MLIP: variants seen among roughly 807,000 people sequenced by gnomAD.
MLIP encodes the protein muscular LMNA-interacting protein.
In MLIP, 79 loss-of-function variants were observed where a neutral mutation model predicts 84.8. The observed-to-expected ratio is 0.93, with a 90% CI of 0.78 to 1.12. MLIP has a LOEUF of 1.12. Among genes scored for constraint, MLIP ranks in the 50% most tolerant of loss-of-function variants. The pLI, the probability that MLIP is intolerant of heterozygous loss-of-function variation, is 0.00. For synonymous variants in MLIP, 504 were observed against 463.0 expected, an observed-to-expected ratio of 1.09 and a Z score of -1.14; for missense variants, 1,257 against 1,160.6, an observed-to-expected ratio of 1.08 and a Z score of -1.21.
intron 1 of MLIP, among the ~76,000 whole-genome samples, chr6:54,096,494 G>C (rs1457121556): frequency 6.6e-6 from 1 of 152,042 alleles, no homozygotes; most frequent in East Asian, 1.9e-4. Flanking sequence ...TCTGCAGAGA[G>C]GCTCTCCACT....
intron 9 of MLIP, among the ~76,000 whole-genome samples, chr6:54,180,388 T>A (rs1776732079): frequency 6.6e-6 from 1 of 152,200 alleles, no homozygotes; most frequent in Admixed American, 6.5e-5. Context: ...TTTCTGTTAT[T>A]GTACCTTTGA....
At chr6:54,138,786 A>G (rs1315132678) in intron 4 of MLIP, among the ~76,000 whole-genome samples, 1 of 152,168 alleles carries the variant, frequency 6.6e-6, no homozygotes, top group Non-Finnish European at 1.5e-5. Context: ...GCAGAAAGCA[A>G]CTCTACACTA....
chr6:54,221,081 G>A (rs992536076), intron 11 of MLIP, among the ~76,000 whole-genome samples: 3 of 152,048 alleles, frequency 2.0e-5, no homozygotes, highest in African/African-American at 4.8e-5. Flanking sequence ...AGAAATGCTC[G>A]TTTTTGAGAA....
chr6:54,063,538 C>T (rs1417408793), intron 1 of MLIP, among the ~76,000 whole-genome samples: 2 of 152,060 alleles, frequency 1.3e-5, no homozygotes, highest in African/African-American at 2.4e-5. Context: ...TCTTGCTTAT[C>T]CTTTAGGTGT....
intron 12 of MLIP, 110 bp from the exon 13 acceptor site, chr6:54,257,198 A>G: frequency 1.3e-6 from 1 of 741,482 alleles, no homozygotes; most frequent in South Asian, 1.7e-5. Flanking sequence ...ATCCACTGTT[A>G]TCTGCAATAA....
chr6:54,262,244 G>C (rs1460028877), intron 13 of MLIP, among the ~76,000 whole-genome samples: 1 of 152,012 alleles, frequency 6.6e-6, no homozygotes, highest in East Asian at 1.9e-4. Flanking sequence ...TAGGGTAGTA[G>C]AGAAAGAAAA....
intron 10 of MLIP, among the ~76,000 whole-genome samples, chr6:54,194,270 A>G (rs1778143661): frequency 6.6e-6 from 1 of 152,138 alleles, no homozygotes; most frequent in Non-Finnish European, 1.5e-5. Flanking sequence ...CAGCCCTGAA[A>G]GCTTTTATGT....
intron 1 of MLIP, among the ~76,000 whole-genome samples, chr6:54,113,686 G>A (rs1455816529): frequency 6.6e-6 from 1 of 151,934 alleles, no homozygotes; most frequent in African/African-American, 2.4e-5. Context: ...GCCAAAGCCT[G>A]GAATTTAGAA....
rs548996771 is a variant in MLIP at position 54,180,153 on chromosome 6, G to A, written c.2545-9717G>A. 2.0e-5 allele frequency among the ~76,000 whole-genome samples: 3 copies of A among 152,114 alleles called. No homozygotes were observed. In the East Asian group the frequency reaches 5.8e-4, roughly 29 times the overall value. Reference sequence around the variant, plus strand: ...AAATATGCCATGTGACTATCTCCTGGCCTGTAATGTTTCCACTGAAAAGTC... The same window carrying A: ...AAATATGCCATGTGACTATCTCCTGACCTGTAATGTTTCCACTGAAAAGTC... On this transcript the variant is annotated intron_variant, in intron 9 of 13. Coordinates refer to ENST00000502396, the MANE Select transcript of MLIP (RefSeq NM_001281747.2).
intron 9 of MLIP, among the ~76,000 whole-genome samples, chr6:54,174,625 T>A (rs1011294975): frequency 6.6e-6 from 1 of 152,046 alleles, no homozygotes; most frequent in African/African-American, 2.4e-5. Context: ...CTGTTTGAGC[T>A]CCTTATATAT....
intron 12 of MLIP, among the ~76,000 whole-genome samples, chr6:54,251,750 A>ATATAATATATAATATAAATATATAT (rs1782539302): frequency 4.0e-5 from 4 of 100,346 alleles, no homozygotes; most frequent in Non-Finnish European, 7.0e-5. Context: ...ATATAATAGC[A>ATATAATATATAATATAAATATATAT]TATAATATAT....
intron 4 of MLIP, among the ~76,000 whole-genome samples, chr6:54,144,761 C>G (rs971454719): frequency 6.6e-6 from 1 of 152,162 alleles, no homozygotes; most frequent in African/African-American, 2.4e-5. Flanking sequence ...TGAGTCCAAA[C>G]CCCTGATCCT....
intron 1 of MLIP, among the ~76,000 whole-genome samples, chr6:54,050,705 GC>G (rs1253582834): frequency 6.6e-6 from 1 of 151,906 alleles, no homozygotes; most frequent in Non-Finnish European, 1.5e-5. Context: ...ATGTTGTTTT[GC>G]CCCAGCTGGT....
intron 2 of MLIP, among the ~76,000 whole-genome samples, chr6:54,124,156 A>G (rs1221130488): frequency 1.3e-5 from 2 of 152,150 alleles, no homozygotes; most frequent in African/African-American, 2.4e-5. Flanking sequence ...TTGTTTCACA[A>G]ATGTCTTCAC....
At chr6:54,208,422 CA>C (rs1273976186) in intron 11 of MLIP, among the ~76,000 whole-genome samples, 1 of 150,640 alleles carries the variant, frequency 6.6e-6, no homozygotes, top group South Asian at 2.1e-4. Context: ...CACATCTCTA[CA>C]AAAAATTTAA....
At chr6:54,244,116 A>G (rs1781919521) in intron 12 of MLIP, among the ~76,000 whole-genome samples, 2 of 152,304 alleles carry the variant, frequency 1.3e-5, no homozygotes, top group Non-Finnish European at 2.9e-5. Context: ...AGGCAAAAAC[A>G]TCCCTCAAAC....
intron 1 of MLIP, among the ~76,000 whole-genome samples, chr6:54,036,508 C>T (rs986060212): frequency 1.4e-4 from 21 of 151,934 alleles, no homozygotes; most frequent in Non-Finnish European, 2.4e-4. Context: ...ATTGTTCTTT[C>T]ACACAATAGC....
Position 54,061,127 on chromosome 6 carries a change from A to G in MLIP, c.63+42036A>G, listed in dbSNP as rs570634942. On this transcript the variant is annotated intron_variant, in intron 1 of 12. Coordinates refer to the MLIP transcript ENST00000274897. ...AGGAGAAGTGTCTGGAACTCTAGAA[A>G]CAGTAACCAACAATTTGTTAATTTC... Among the ~76,000 whole-genome samples the G allele has an allele frequency of 2.0e-5, 3 of 152,270 alleles. No homozygotes were observed. In the South Asian group the frequency reaches 6.2e-4, roughly 32 times the overall value.
intron 2 of MLIP, among the ~76,000 whole-genome samples, chr6:54,122,935 C>CTT (rs543020753): frequency 6.9e-6 from 1 of 145,080 alleles, no homozygotes; most frequent in Non-Finnish European, 1.5e-5. Flanking sequence ...CATTTATATT[C>CTT]TTTTTTTTTT....
Sources: allele counts gnomAD v4.1 joint callset (sites outside exome capture counted in the v4.1 genomes callset), GRCh38; gene constraint gnomAD v4.1.1; transcripts MANE v1.5; gene names NCBI Gene and HGNC (gene_info 2026-07-23, HGNC 2026-07-21).